Variants in SLC2A13 observed in about 807,000 individuals in gnomAD.
SLC2A13 encodes the protein solute carrier family 2 member 13.
Under a neutral mutation model 64.4 loss-of-function variants are expected in SLC2A13, and 32 were observed. The observed-to-expected ratio is 0.50, with a 90% confidence interval of 0.37 to 0.67. SLC2A13 has a LOEUF of 0.67. Ranked by LOEUF, SLC2A13 falls within the 30% of genes least tolerant of loss-of-function variation. The probability of loss-of-function intolerance (pLI) is 0.00; values close to 1 mark genes in which losing one functional copy is unlikely to be tolerated. For missense variants in SLC2A13, 743 were observed against 829.2 expected, an observed-to-expected ratio of 0.90 and a Z score of 1.28; for synonymous variants, 338 against 327.1, an observed-to-expected ratio of 1.03 and a Z score of -0.36.
chr12:40,100,615 A>T (rs907037992), intron 1 of SLC2A13, among the ~76,000 whole-genome samples: 1 of 152,324 alleles, frequency 6.6e-6, no homozygotes, highest in East Asian at 1.9e-4. Context: ...TATAGGTACA[A>T]TACTGCTAAA....
intron 1 of SLC2A13, among the ~76,000 whole-genome samples, chr12:40,082,769 G>T (rs1368558468): frequency 2.0e-5 from 3 of 152,116 alleles, no homozygotes; most frequent in Non-Finnish European, 2.9e-5. Context: ...ATATCCATAG[G>T]GGTTATGGGG....
intron 4 of SLC2A13, among the ~76,000 whole-genome samples, chr12:39,875,042 T>C (rs1174470570): frequency 6.6e-6 from 1 of 152,178 alleles, no homozygotes; most frequent in Non-Finnish European, 1.5e-5. Flanking sequence ...ATTTTCATCT[T>C]CCTTTCTCTA....
At chr12:39,894,077 A>G (rs1005432283) in intron 4 of SLC2A13, among the ~76,000 whole-genome samples, 1 of 152,228 alleles carries the variant, frequency 6.6e-6, no homozygotes, top group African/African-American at 2.4e-5. Flanking sequence ...ACATTTTAAT[A>G]AATGTTTTTG....
chr12:40,101,132 T>G (rs990407232), intron 1 of SLC2A13, among the ~76,000 whole-genome samples: 5 of 151,094 alleles, frequency 3.3e-5, no homozygotes, highest in Non-Finnish European at 5.9e-5. Context: ...AGGACTCAAG[T>G]GGAAGAGAAA....
chr12:39,878,540 G>A (rs572399454), intron 4 of SLC2A13, among the ~76,000 whole-genome samples: 5 of 152,324 alleles, frequency 3.3e-5, no homozygotes, highest in South Asian at 2.1e-4. Flanking sequence ...GTGAAAGCTT[G>A]AGCTTGAGAT....
At chr12:39,991,334 T>C (rs1026138977) in intron 3 of SLC2A13, among the ~76,000 whole-genome samples, 12 of 152,158 alleles carry the variant, frequency 7.9e-5, no homozygotes, top group African/African-American at 2.2e-4. Context: ...TACCACATGA[T>C]AGTTTTTCAG....
At chr12:39,985,593 C>G (rs1947016790) in intron 3 of SLC2A13, among the ~76,000 whole-genome samples, 1 of 152,062 alleles carries the variant, frequency 6.6e-6, no homozygotes, top group Non-Finnish European at 1.5e-5. Flanking sequence ...AGGTTGTAGA[C>G]AAGAAGGCTG....
At chr12:40,026,078 T>C (rs533190080) in intron 3 of SLC2A13, among the ~76,000 whole-genome samples, 1 of 152,356 alleles carries the variant, frequency 6.6e-6, no homozygotes, top group East Asian at 1.9e-4. Flanking sequence ...ACTGGTGCCA[T>C]GTAATCTGGC....
chr12:39,923,956 C>A (rs1038799624), intron 4 of SLC2A13, among the ~76,000 whole-genome samples: 3 of 151,960 alleles, frequency 2.0e-5, no homozygotes, highest in Non-Finnish European at 2.9e-5. Context: ...GATTTTCATT[C>A]TTTTCACTAA....
rs1332998350 is a variant in SLC2A13 at position 39,769,990 on chromosome 12, G to A, written c.1446-5132C>T. 2.0e-5 allele frequency among the ~76,000 whole-genome samples: 3 copies of A among 152,006 alleles called. No homozygotes were observed. The East Asian group carries it at 5.8e-4, about 29-fold the overall frequency. ...AATCTTGATGCTCTTTGATTACTCT[G>A]TGGTGCTTGACATTGCTGACAACTC... On this transcript the variant is annotated intron_variant, in intron 7 of 9. Transcript: ENST00000280871.
At chr12:40,092,255 GTA>G (rs1262654254) in intron 1 of SLC2A13, among the ~76,000 whole-genome samples, 2 of 152,184 alleles carry the variant, frequency 1.3e-5, no homozygotes, top group African/African-American at 4.8e-5. Context: ...GTTGGACAAT[GTA>G]ACTTTCCACA....
chr12:39,895,318 G>A (rs113219648), intron 4 of SLC2A13, among the ~76,000 whole-genome samples: 1,873 of 151,210 alleles, frequency 0.012, 35 homozygotes, highest in African/African-American at 0.042. Flanking sequence ...GGGAAATCCC[G>A]TCTCTACTAA....
intron 1 of SLC2A13, among the ~76,000 whole-genome samples, chr12:40,074,234 C>T (rs1248852926): frequency 6.7e-6 from 1 of 149,986 alleles, no homozygotes; most frequent in South Asian, 2.1e-4. Flanking sequence ...GGTGTGATCA[C>T]AGCTCACAGC....
rs111219747 is a variant in SLC2A13 at position 39,896,329 on chromosome 12, T to C, written c.1035-24368A>G. Among the ~76,000 whole-genome samples, 7 of 142,444 alleles carry C rather than the reference T, an allele frequency of 4.9e-5. 1 individual carries two copies. In the South Asian group the frequency reaches 1.1e-3, roughly 23 times the overall value. The allele number at this position is 142,444 out of a possible 152,430, so 93.4% of individuals were successfully genotyped here. A position where few individuals can be genotyped will look rare whatever the true frequency, so the allele number is the denominator to read the frequency against. On this transcript the variant is annotated intron_variant, in intron 4 of 9. Transcript: ENST00000280871. ...GTATACATATATGTATGTATATGTGTATATATGTATACATATATGTATGTA... is the reference window on the plus strand; with the variant it reads ...GTATACATATATGTATGTATATGTGCATATATGTATACATATATGTATGTA...
At chr12:39,971,067 T>A (rs1161137869) in intron 3 of SLC2A13, among the ~76,000 whole-genome samples, 1 of 152,216 alleles carries the variant, frequency 6.6e-6, no homozygotes, top group African/African-American at 2.4e-5. Context: ...TTTTCTCTTC[T>A]AATTCTTAAC....
intron 3 of SLC2A13, among the ~76,000 whole-genome samples, chr12:39,984,617 T>C (rs1335929213): frequency 1.3e-5 from 2 of 152,136 alleles, no homozygotes; most frequent in Non-Finnish European, 2.9e-5. Context: ...CCAGTGAATA[T>C]ATTCCATTCA....
At chr12:39,830,309 C>CAT in intron 6 of SLC2A13, 81 bp from the exon 7 acceptor site, 1 of 1,542,360 alleles carries the variant, frequency 6.5e-7, no homozygotes, top group Non-Finnish European at 8.7e-7. Flanking sequence ...TGCTTCTCTG[C>CAT]ATTTTCCACT....
chr12:40,068,764 C>CA (rs59875265), intron 1 of SLC2A13, among the ~76,000 whole-genome samples: 3,167 of 132,026 alleles, frequency 0.024, 90 homozygotes, highest in African/African-American at 0.073. Context: ...ACATACTCTA[C>CA]AAAAAAAAAA....
chr12:39,970,895 CT>C (rs547539615), intron 3 of SLC2A13, among the ~76,000 whole-genome samples: 4 of 152,136 alleles, frequency 2.6e-5, no homozygotes, highest in East Asian at 1.9e-4. Context: ...CTTGAGTGAC[CT>C]TTTTTCCCCC....
Sources: allele counts gnomAD v4.1 joint callset (sites outside exome capture counted in the v4.1 genomes callset), GRCh38; gene constraint gnomAD v4.1.1; transcripts MANE v1.5; gene names NCBI Gene and HGNC (gene_info 2026-07-23, HGNC 2026-07-21).